The following MACROD2 variants were observed in gnomAD, a reference collection of about 807,000 sequenced individuals.
MACROD2 encodes mono-ADP ribosylhydrolase 2, also known as ADP-ribose glycohydrolase MACROD2.
Under a neutral mutation model 70.4 loss-of-function variants are expected in MACROD2, and 36 were observed. The observed-to-expected ratio is 0.51, with a 90% CI of 0.39 to 0.68. MACROD2 has a LOEUF of 0.68. Among genes scored for constraint, MACROD2 ranks in the 30% least tolerant of loss-of-function variants. The pLI is 0.00. For missense variants in MACROD2, 496 were observed against 538.4 expected (o/e 0.92, Z 0.78); for synonymous variants, 172 against 178.8 (o/e 0.96, Z 0.30).
chr20:14,694,658 G>T (rs980106897), intron 5 of MACROD2, among the ~76,000 whole-genome samples: 2 of 152,010 alleles, frequency 1.3e-5, no homozygotes, highest in Admixed American at 6.6e-5. Context: ...CATGAGCTTT[G>T]CCAATAAACT....
chr20:14,182,023 A>G (rs1027255733), intron 3 of MACROD2, among the ~76,000 whole-genome samples: 1 of 152,196 alleles, frequency 6.6e-6, no homozygotes, highest in South Asian at 2.1e-4. Flanking sequence ...AATTGCTGTC[A>G]TGTGCTAACT....
chr20:14,217,538 G>A (rs1344754588), intron 3 of MACROD2, among the ~76,000 whole-genome samples: 2 of 152,004 alleles, frequency 1.3e-5, no homozygotes, highest in African/African-American at 2.4e-5. Context: ...GAATTAGGGA[G>A]GTTTCCTTCT....
At chr20:15,865,814 G>A (rs1256519135) in intron 9 of MACROD2, among the ~76,000 whole-genome samples, 1 of 152,226 alleles carries the variant, frequency 6.6e-6, no homozygotes, top group Non-Finnish European at 1.5e-5. Context: ...TGGGCAGCAA[G>A]AGAGAGCAAG....
intron 15 of MACROD2, among the ~76,000 whole-genome samples, chr20:16,001,198 A>G (rs1433783923): frequency 2.0e-5 from 3 of 152,248 alleles, no homozygotes; most frequent in African/African-American, 7.2e-5. Context: ...CACAGTATGT[A>G]AAAAGCAGGT....
chr20:14,669,543 A>G lies in MACROD2; in HGVS notation c.302-15300A>G, dbSNP rs1034343989. On this transcript the variant is annotated intron_variant, in intron 4 of 17. Coordinates refer to ENST00000684519, the MANE Select transcript of MACROD2 (RefSeq NM_001351661.2). ...GAAGAAAATTAGGAGAAGAGATTCT[A>G]TAACACGATTGAAGTTTAAAAGCTA... 1.2e-3 allele frequency among the ~76,000 whole-genome samples: 189 copies of G among 152,210 alleles called. 6 individuals carry two copies. Among genetic ancestry groups the G allele is most frequent in the Admixed American group, 0.012 (185 of 15,260 alleles).
rs180957101 is a variant in MACROD2 at position 14,334,504 on chromosome 20, A to G, written c.272-158975A>G. Among the ~76,000 whole-genome samples the G allele has an allele frequency of 7.4e-4, 112 of 152,204 alleles. 1 individual carries two copies. Among genetic ancestry groups the G allele is most frequent in the African/African-American group, 2.6e-3 (110 of 41,550 alleles). ...TATTGCTGAGAGATTTTTACTGTAG[A>G]GTTTTTGCCCACTGGGGGGTGGTAC... On this transcript the variant is annotated intron_variant, in intron 3 of 17. Coordinates refer to ENST00000684519, the MANE Select transcript of MACROD2 (RefSeq NM_001351661.2).
At chr20:14,853,265 C>T (rs2073219165) in intron 5 of MACROD2, among the ~76,000 whole-genome samples, 1 of 151,350 alleles carries the variant, frequency 6.6e-6, no homozygotes, top group Non-Finnish European at 1.5e-5. Flanking sequence ...GAAACCTTGA[C>T]CTTAATTAGG....
intron 5 of MACROD2, among the ~76,000 whole-genome samples, chr20:14,786,583 G>T (rs951500085): frequency 4.0e-5 from 6 of 151,862 alleles, no homozygotes; most frequent in African/African-American, 1.2e-4. Flanking sequence ...GAGAGAGAGA[G>T]ATTTGAGTTG....
chr20:15,964,036 T>C (rs554994075), intron 12 of MACROD2, among the ~76,000 whole-genome samples: 37 of 152,336 alleles, frequency 2.4e-4, no homozygotes, highest in African/African-American at 8.4e-4. Flanking sequence ...TAAAATAACA[T>C]TGACTGAATC....
At chr20:15,568,705 C>G (rs555168032) in intron 8 of MACROD2, among the ~76,000 whole-genome samples, 1 of 152,278 alleles carries the variant, frequency 6.6e-6, no homozygotes, top group East Asian at 1.9e-4. Context: ...ATAAATATCT[C>G]ACAGGAGATA....
chr20:15,733,725 C>T (rs1183793211), intron 8 of MACROD2, among the ~76,000 whole-genome samples: 4 of 152,196 alleles, frequency 2.6e-5, no homozygotes, highest in African/African-American at 9.7e-5. Context: ...ACACATTTCA[C>T]ATACATACAA....
intron 15 of MACROD2, among the ~76,000 whole-genome samples, chr20:16,002,042 T>TTATA (rs933156808): frequency 2.6e-4 from 22 of 86,090 alleles, no homozygotes; most frequent in African/African-American, 7.5e-4. Flanking sequence ...ATAATGTGTC[T>TTATA]TATATATATA....
chr20:15,298,732 T>A (rs1600214779), intron 6 of MACROD2, among the ~76,000 whole-genome samples: 1 of 152,216 alleles, frequency 6.6e-6, no homozygotes, highest in Non-Finnish European at 1.5e-5. Flanking sequence ...TTATTTTATA[T>A]ATTAAAAGAG....
chr20:15,581,944 A>G (rs1484621497), intron 8 of MACROD2, among the ~76,000 whole-genome samples: 1 of 152,160 alleles, frequency 6.6e-6, no homozygotes, highest in Non-Finnish European at 1.5e-5. Flanking sequence ...CAACATGGGG[A>G]AACCCCGTCT....
chr20:14,860,478 T>C (rs1044194036), intron 5 of MACROD2, among the ~76,000 whole-genome samples: 15 of 152,052 alleles, frequency 9.9e-5, no homozygotes, highest in African/African-American at 3.6e-4. Flanking sequence ...GAGAACTCTT[T>C]TCAAGCCTGT....
intron 6 of MACROD2, among the ~76,000 whole-genome samples, chr20:15,295,464 G>A (rs1393579733): frequency 2.0e-5 from 3 of 152,050 alleles, no homozygotes; most frequent in Non-Finnish European, 4.4e-5. Context: ...TTGAAAAAGA[G>A]GTGCTGGGTC....
At chr20:14,909,548 A>G (rs900270730) in intron 5 of MACROD2, among the ~76,000 whole-genome samples, 15 of 151,934 alleles carry the variant, frequency 9.9e-5, no homozygotes, top group African/African-American at 3.6e-4. Flanking sequence ...CCTACTCAAG[A>G]GCCAAGCAGA....
chr20:14,255,557 G>A (rs1423874480), intron 3 of MACROD2, among the ~76,000 whole-genome samples: 1 of 151,712 alleles, frequency 6.6e-6, no homozygotes, highest in Non-Finnish European at 1.5e-5. Flanking sequence ...AGGGGGGAGG[G>A]ATAGCATTAG....
intron 5 of MACROD2, among the ~76,000 whole-genome samples, chr20:14,975,310 T>A (rs1269385205): frequency 2.6e-5 from 4 of 151,976 alleles, no homozygotes; most frequent in Non-Finnish European, 5.9e-5. Flanking sequence ...GTGACAGTGG[T>A]TGACGTGGTT....
Sources: allele counts gnomAD v4.1 joint callset (sites outside exome capture counted in the v4.1 genomes callset), GRCh38; gene constraint gnomAD v4.1.1; transcripts MANE v1.5; gene names NCBI Gene and HGNC (gene_info 2026-07-23, HGNC 2026-07-21).